The following SYT16 variants were observed in gnomAD, a reference collection of about 807,000 sequenced individuals.
The protein encoded by SYT16 is synaptotagmin 16, also known as synaptotagmin-16.
Under a neutral mutation model 61.4 loss-of-function variants are expected in SYT16, and 42 were observed. The observed-to-expected ratio is 0.68, with a 90% CI of 0.53 to 0.89. SYT16 has a LOEUF of 0.89. SYT16 is among the 40% of genes least tolerant of loss of function. The pLI is 0.00. For synonymous variants in SYT16, 314 were observed against 302.3 expected (o/e 1.04, Z -0.40); for missense variants, 804 against 807.3 (o/e 1.00, Z 0.05).
At chr14:61,930,510 T>C (rs138362175) in intron 1 of SYT16, among the ~76,000 whole-genome samples, 137 of 152,194 alleles carry the variant, frequency 9.0e-4, no homozygotes, top group African/African-American at 2.9e-3. Context: ...CCCTTCCCTT[T>C]GGCCATTGCC....
At chr14:61,812,548 T>C (rs1314911481), upstream of SYT16, among the ~76,000 whole-genome samples, 2 of 150,476 alleles carry the variant, frequency 1.3e-5, no homozygotes, top group Non-Finnish European at 3.0e-5. Flanking sequence ...ATCCAGCCTC[T>C]AGGCGCCGCA....
chr14:62,069,709 A>G lies in SYT16; in HGVS notation c.630A>G (p.Ser210=). Residue 210 remains serine, a synonymous_variant, in exon 4 of 8, where the codon TCA becomes TCG. Transcript: ENST00000683842. The stretch of plus-strand genomic sequence containing the variant: ...TGTCCCGGTCCCAGAGTTTCCGTTC[A>G]GTGACATCTGAGAAAGGAAAGCAGA... ...ISVSRSQSFR[S]VTSEKGKQTG... 1.2e-6 allele frequency: 2 copies of G among 1,614,016 alleles called. No homozygotes were observed. Among genetic ancestry groups the G allele is most frequent in the Non-Finnish European group, 1.7e-6 (2 of 1,179,884 alleles).
intron 5 of SYT16, chr14:62,079,277 T>C (rs1209166368): frequency 1.1e-6 from 1 of 877,052 alleles, no homozygotes; most frequent in Non-Finnish European, 1.5e-6. Flanking sequence ...CATGATTGCA[T>C]GCTCACAGGA....
chr14:62,054,813 T>C (rs1001259164), intron 3 of SYT16, among the ~76,000 whole-genome samples: 2 of 152,204 alleles, frequency 1.3e-5, no homozygotes. Context: ...GATAAAAGAA[T>C]AACTTTAGAA....
chr14:61,829,209 T>G (rs2045861325), intron 1 of SYT16, among the ~76,000 whole-genome samples: 2 of 152,188 alleles, frequency 1.3e-5, no homozygotes, highest in Admixed American at 1.3e-4. Flanking sequence ...TCTATTAATA[T>G]ATCACAAAAG....
At chr14:62,045,646 C>T (rs903294792) in intron 3 of SYT16, among the ~76,000 whole-genome samples, 1 of 152,120 alleles carries the variant, frequency 6.6e-6, no homozygotes, top group Non-Finnish European at 1.5e-5. Context: ...TGTTCCCCTT[C>T]TTGTGTCCAT....
At chr14:61,896,490 C>T (rs180835325) in intron 1 of SYT16, among the ~76,000 whole-genome samples, 6 of 152,270 alleles carry the variant, frequency 3.9e-5, no homozygotes, top group Admixed American at 6.5e-5. Context: ...AGTATATTGT[C>T]AACCATGAAG....
chr14:62,078,155 CTA>C lies in SYT16; in HGVS notation c.994-2664_994-2663del, dbSNP rs374965535. 9.7e-4 allele frequency among the ~76,000 whole-genome samples: 132 copies of C among 135,950 alleles called. 2 individuals are homozygous for C. The South Asian group carries it at 0.028, about 29-fold the overall frequency. The allele number at this position is 135,950 out of a possible 152,430, so 89.2% of individuals were successfully genotyped here. On this transcript the variant is annotated intron_variant, in intron 5 of 7. Coordinates refer to ENST00000683842, the MANE Select transcript of SYT16 (RefSeq NM_001367656.1). ...GCTCTCTCGCTCTCTCTCTCTCTCT[CTA>C]TATATATATATATAAACACACACAC...
At position 61,996,001 on chromosome 14, in the gene SYT16, A is replaced by G; in HGVS notation, c.-19A>G. The G allele has an allele frequency of 6.4e-7, 1 of 1,564,184 alleles. No individual in the cohort carries two copies. ...AAGGAACTGAACAACTGGACACTGT[A>G]GACATCAGATAGCTGGCCATGGTGT... On this transcript the variant is annotated 5_prime_UTR_variant, in exon 3 of 8. Transcript: ENST00000683842.
At chr14:61,822,541 C>T (rs72716744) in intron 1 of SYT16, among the ~76,000 whole-genome samples, 21,178 of 152,156 alleles carry the variant, frequency 0.14, 1,598 homozygotes, top group African/African-American at 0.2. Flanking sequence ...CCTGAAATAA[C>T]TGCCTCCGTC....
intron 3 of SYT16, among the ~76,000 whole-genome samples, chr14:62,015,429 A>G (rs2053631789): frequency 7.7e-6 from 1 of 129,056 alleles, no homozygotes; most frequent in Non-Finnish European, 1.7e-5. Context: ...ATGCAGCCGA[A>G]GTTCTTAACA....
rs200180748 is a variant in SYT16 at position 62,069,715 on chromosome 14, A to G, written c.636A>G (p.Thr212=). 8.7e-6 allele frequency: 14 copies of G among 1,613,910 alleles called. No individual in the cohort carries two copies. Among genetic ancestry groups the G allele is most frequent in the Non-Finnish European group, 1.1e-5 (13 of 1,179,892 alleles). The change falls in exon 4 of 8, where the codon ACA becomes ACG. Residue 212 remains threonine, a synonymous_variant. Transcript: ENST00000683842. The part of the protein sequence containing the change: ...VSRSQSFRSV[T]SEKGKQTGLE... ...GGTCCCAGAGTTTCCGTTCAGTGAC[A>G]TCTGAGAAAGGAAAGCAGACAGGAT...
chr14:61,859,079 T>C (rs925284335), intron 1 of SYT16, among the ~76,000 whole-genome samples: 3 of 151,982 alleles, frequency 2.0e-5, no homozygotes, highest in African/African-American at 7.3e-5. Flanking sequence ...CAGGATGGTC[T>C]TGATCTCCTG....
intron 1 of SYT16, among the ~76,000 whole-genome samples, chr14:61,902,615 T>G (rs958938079): frequency 3.9e-5 from 6 of 152,208 alleles, no homozygotes; most frequent in African/African-American, 1.4e-4. Flanking sequence ...AGGGTCATGC[T>G]TCCTCTGAAA....
intron 1 of SYT16, chr14:61,865,277 C>T: frequency 1.3e-6 from 1 of 793,954 alleles, no homozygotes; most frequent in Non-Finnish European, 2.2e-6. Flanking sequence ...CTGTCTTTTG[C>T]CTCATGCCCT....
chr14:61,866,881 T>C (rs1461552165), intron 1 of SYT16, among the ~76,000 whole-genome samples: 1 of 152,070 alleles, frequency 6.6e-6, no homozygotes, highest in Non-Finnish European at 1.5e-5. Flanking sequence ...AGAAGTTTTA[T>C]AGTTTTAGAT....
chr14:61,996,261 C>G lies in SYT16; in HGVS notation c.242C>G (p.Ala81Gly), dbSNP rs976200174. ...GACAATGATTGGAGTCAAGAGGATGCAAATTCCTTGTTTCTTGAAGTGGAT... is the reference window on the plus strand; with the variant it reads ...GACAATGATTGGAGTCAAGAGGATGGAAATTCCTTGTTTCTTGAAGTGGAT... The part of the protein sequence containing the change: ...EQDNDWSQED[A>G]NSLFLEVDHF... The change falls in exon 3 of 8, where the codon GCA becomes GGA. Residue 81 changes from alanine (A) to glycine (G), a missense_variant. Coordinates refer to ENST00000683842, the MANE Select transcript of SYT16 (RefSeq NM_001367656.1). 8.7e-6 allele frequency: 14 copies of G among 1,613,504 alleles called. No individual in the cohort carries two copies. The African/African-American group carries it at 1.2e-4, about 14-fold the overall frequency.
chr14:61,850,282 C>T (rs535464444), intron 1 of SYT16, among the ~76,000 whole-genome samples: 1 of 151,856 alleles, frequency 6.6e-6, no homozygotes, highest in African/African-American at 2.4e-5. Flanking sequence ...TTACAGGCAC[C>T]TGCCACCATG....
chr14:62,042,140 ATCTTT>A (rs2054757034), intron 3 of SYT16, among the ~76,000 whole-genome samples: 2 of 151,890 alleles, frequency 1.3e-5, no homozygotes, highest in African/African-American at 4.8e-5. Context: ...TGGGTATATT[ATCTTT>A]TCTGCATCCC....
Sources: allele counts gnomAD v4.1 joint callset (sites outside exome capture counted in the v4.1 genomes callset), GRCh38; gene constraint gnomAD v4.1.1; transcripts MANE v1.5; gene names NCBI Gene and HGNC (gene_info 2026-07-23, HGNC 2026-07-21).